OFD1: variants seen among roughly 807,000 people sequenced by gnomAD.
OFD1 encodes the protein centriole and centriolar satellite protein OFD1.
In OFD1, 12 loss-of-function variants were observed where a neutral mutation model predicts 81.4. The observed-to-expected ratio is 0.15, with a 90% CI of 0.09 to 0.24. OFD1 has a LOEUF of 0.24. Ranked by LOEUF, OFD1 falls within the 10% of genes least tolerant of loss-of-function variation. The pLI, the probability that OFD1 is intolerant of heterozygous loss-of-function variation, is 1.00. For synonymous variants in OFD1, 256 were observed against 263.7 expected, an observed-to-expected ratio of 0.97 and a Z score of 0.28; for missense variants, 685 against 733.9, an observed-to-expected ratio of 0.93 and a Z score of 0.77.
At chrX:13,770,274 A>G (rs200525795), downstream of OFD1, among the ~76,000 whole-genome samples, 6 of 112,225 alleles carry the variant, frequency 5.3e-5, no homozygotes, top group East Asian at 1.7e-3. Context: ...GAAGATACTA[A>G]GTAGTGTGAC....
chrX:13,753,335 GAGGAGCTC>G, intron 10 of OFD1, 25 bp from the exon 11 acceptor site: 2 of 1,208,903 alleles, frequency 1.7e-6, no homozygotes, highest in Non-Finnish European at 2.2e-6. Flanking sequence ...AAAAATGCCT[GAGGAGCTC>G]ATATTTAGTC....
chrX:13,734,030 G>A (rs1222936231), upstream of OFD1: 4 of 514,683 alleles, frequency 7.8e-6, no homozygotes, highest in South Asian at 9.8e-5. Flanking sequence ...TAAGCATCAT[G>A]AGGACTGGCT....
chrX:13,749,088 C>T (rs1001340308), intron 8 of OFD1, among the ~76,000 whole-genome samples: 21 of 101,681 alleles, frequency 2.1e-4, no homozygotes, highest in Non-Finnish European at 3.6e-4. Context: ...CCCCACTGCA[C>T]TCCAGCCTGT....
At chrX:13,745,838 A>C in intron 6 of OFD1, among the ~76,000 whole-genome samples, 1 of 111,897 alleles carries the variant, frequency 8.9e-6, no homozygotes, top group East Asian at 2.8e-4. Flanking sequence ...CTATATCAGC[A>C]TTTGTTCTTT....
At chrX:13,731,015 A>G (rs1370946247), upstream of OFD1, among the ~76,000 whole-genome samples, 1 of 111,568 alleles carries the variant, frequency 9.0e-6, no homozygotes, top group East Asian at 2.8e-4. Context: ...ATGTATACCT[A>G]TGTATCAAAC....
At chrX:13,719,763 A>G in the OFD1 span, 1 of 613,413 alleles carries the variant, frequency 1.6e-6, no homozygotes, top group Non-Finnish European at 2.5e-6. Context: ...CTCCTGAGCA[A>G]GCCTCATTTA....
At chrX:13,757,008 T>C (rs1412021056) in intron 13 of OFD1, among the ~76,000 whole-genome samples, 1 of 111,700 alleles carries the variant, frequency 9.0e-6, no homozygotes, top group Non-Finnish European at 1.9e-5. Context: ...ACAGTGGCCC[T>C]AGGCTGGCCA....
intron 5 of OFD1, 70 bp downstream of exon 5, chrX:13,739,102 C>A: frequency 1.1e-6 from 1 of 941,669 alleles, no homozygotes; most frequent in Non-Finnish European, 1.5e-6. Flanking sequence ...AAGAATGAAG[C>A]AAATTTTTAG....
At chrX:13,721,751 C>T in the OFD1 span, 4 of 94,546 alleles carry the variant, frequency 4.2e-5, no homozygotes, top group South Asian at 5.1e-4. Context: ...GGCATGATGA[C>T]GTAAGATTTA....
At chrX:13,767,029 A>C in intron 19 of OFD1, 98 bp from the exon 20 acceptor site, 7 of 821,265 alleles carry the variant, frequency 8.5e-6, no homozygotes, top group Non-Finnish European at 1.1e-5. Context: ...AGCCAAGCAG[A>C]GTCTCCGTGG....
upstream of OFD1, among the ~76,000 whole-genome samples, chrX:13,733,077 A>C (rs1185289986): frequency 8.9e-6 from 1 of 111,969 alleles, no homozygotes; most frequent in African/African-American, 3.2e-5. Flanking sequence ...CATTTTATCT[A>C]ATTATATTCA....
chrX:13,767,343 A>G (rs2048168259), intron 20 of OFD1, 59 bp downstream of exon 20: 42 of 1,141,319 alleles, frequency 3.7e-5, no homozygotes, highest in Non-Finnish European at 5.1e-5. Flanking sequence ...TTTCGTAAGT[A>G]CATTGAGCTC....
At chrX:13,719,417 C>A in the OFD1 span, among the ~76,000 whole-genome samples, 36 of 111,144 alleles carry the variant, frequency 3.2e-4, no homozygotes, top group Non-Finnish European at 6.2e-4. Flanking sequence ...ACAGGCTCAA[C>A]CCAGCCAGGA....
chrX:13,769,970 T>C (rs2048269704), downstream of OFD1, among the ~76,000 whole-genome samples: 5 of 112,405 alleles, frequency 4.4e-5, no homozygotes, highest in South Asian at 1.8e-3. Context: ...CAGACTGAGA[T>C]AGCATCTTTA....
Position 13,751,474 on chromosome X carries a change from GA to G in OFD1, c.1055+118del, listed in dbSNP as rs3214141. On this transcript the variant is annotated intron_variant, in intron 10 of 22. Coordinates refer to ENST00000340096, the MANE Select transcript of OFD1 (RefSeq NM_003611.3). ...GTAACTTAGGCAAACTTTAGTGTTT[GA>G]AAAAAAAAAAACATAGTTTTATCGA... The G allele has an allele frequency of 0.26, 110,721 of 434,025 alleles. 7,098 individuals are homozygous for G. Among genetic ancestry groups the G allele is most frequent in the Admixed American group, 0.46 (9,565 of 20,804 alleles). The allele number at this position is 434,025 out of a possible 1,213,427, so 35.8% of individuals were successfully genotyped here.
downstream of OFD1, chrX:13,772,821 CAGCTGTCTGATGATTTGTCAG>C: frequency 9.1e-7 from 1 of 1,100,807 alleles, no homozygotes; most frequent in Non-Finnish European, 1.2e-6. Context: ...TACTGCAGAG[CAGCTGTCTGATGATTTGTCAG>C]AGCTGTAAAT....
intron 9 of OFD1, 113 bp from the exon 10 acceptor site, chrX:13,751,135 AG>A: frequency 1.5e-6 from 1 of 656,532 alleles, no homozygotes; most frequent in Non-Finnish European, 2.4e-6. Flanking sequence ...ACTTCCCAGT[AG>A]TGATATCATG....
rs1050439580 is a variant in OFD1, at chrX:13,753,568, A to G, written c.1129+127A>G. On this transcript the variant is annotated intron_variant, in intron 11 of 22. Coordinates refer to ENST00000340096, the MANE Select transcript of OFD1 (RefSeq NM_003611.3). The stretch of plus-strand genomic sequence containing the variant: ...CTTCATTGTTCATACAAAATTACAC[A>G]TTTTTTGTAATTTTAATTTTATAAA... The G allele has an allele frequency of 1.5e-5, 9 of 581,961 alleles. No homozygotes were observed. In the Admixed American group the frequency reaches 3.0e-4, roughly 20 times the overall value. 48.0% of individuals were successfully genotyped at this position (581,961 alleles called of 1,213,427 possible).
chrX:13,719,832 A>G, the OFD1 span: 1 of 952,804 alleles, frequency 1.0e-6, no homozygotes. Flanking sequence ...AAATCATATT[A>G]TACCATATCA....
Sources: gnomAD v4.1 joint callset for allele counts (sites outside exome capture counted in the v4.1 genomes callset) on GRCh38, gnomAD v4.1.1 for gene constraint, MANE v1.5 for transcripts, NCBI Gene and HGNC (gene_info 2026-07-23, HGNC 2026-07-21) for gene names.